PARD3: variants seen among roughly 807,000 people sequenced by gnomAD.
PARD3 encodes the protein partitioning defective 3 homolog.
PARD3 carries 75 observed loss-of-function variants against 155.4 expected under a neutral mutation model. The ratio of observed to expected loss-of-function variants is 0.48; its 90% CI spans 0.40 to 0.58. The LOEUF (loss-of-function observed/expected upper bound fraction) is 0.58. PARD3 is among the 20% of genes least tolerant of loss of function. The probability of loss-of-function intolerance (pLI) is 0.00; values close to 1 mark genes in which losing one functional copy is unlikely to be tolerated. For synonymous variants in PARD3, 576 were observed against 610.5 expected, an observed-to-expected ratio of 0.94 and a Z score of 0.83; for missense variants, 1,642 against 1,721.7, an observed-to-expected ratio of 0.95 and a Z score of 0.82.
chr10:34,143,971 A>G (rs2132888498), intron 22 of PARD3, among the ~76,000 whole-genome samples: 1 of 152,100 alleles, frequency 6.6e-6, no homozygotes, highest in East Asian at 1.9e-4. Context: ...TTTTCTATTT[A>G]CAACTTGGCC....
chr10:34,581,563 T>G (rs1283322486), intron 2 of PARD3, among the ~76,000 whole-genome samples: 1 of 152,158 alleles, frequency 6.6e-6, no homozygotes, highest in African/African-American at 2.4e-5. Flanking sequence ...AGATTTTTGT[T>G]AAAAACCATT....
rs577288598 is a variant in PARD3 at position 34,384,678 on chromosome 10, A to C, written c.891-424T>G. On this transcript the variant is annotated intron_variant, in intron 7 of 24. Coordinates refer to ENST00000374788, the MANE Select transcript of PARD3 (RefSeq NM_001184785.2). ...ACTGCAACTCCCATCTTTCTGTGAA[A>C]GTAAAGGTAATGAGGAAAAGCTAAC... Among the ~76,000 whole-genome samples, 13 of 152,338 alleles carry C rather than the reference A, an allele frequency of 8.5e-5. No individual in the cohort carries two copies. In the East Asian group the frequency reaches 2.5e-3, roughly 29 times the overall value.
rs147141902 is a variant in PARD3 at position 34,466,081 on chromosome 10, A to G, written c.582+4004T>C. ...CAAGAAACTTTCCACACAAAGTATG[A>G]GCAAAATGTTCCCTAAAACAGTTGG... is the stretch of plus-strand genomic sequence containing the variant. On this transcript the variant is annotated intron_variant, in intron 4 of 24. Coordinates refer to ENST00000374788, the MANE Select transcript of PARD3 (RefSeq NM_001184785.2). 3.5e-4 allele frequency among the ~76,000 whole-genome samples: 54 copies of G among 152,278 alleles called. No homozygotes were observed. In the East Asian group the frequency reaches 7.5e-3, roughly 21 times the overall value.
At chr10:34,295,296 A>C (rs1956856141) in intron 20 of PARD3, among the ~76,000 whole-genome samples, 2 of 152,226 alleles carry the variant, frequency 1.3e-5, no homozygotes, top group South Asian at 4.1e-4. Flanking sequence ...CTCATGTAAA[A>C]GGGACAAGAA....
chr10:34,521,221 A>G (rs2082124104), intron 2 of PARD3, among the ~76,000 whole-genome samples: 1 of 152,200 alleles, frequency 6.6e-6, no homozygotes, highest in Admixed American at 6.5e-5. Flanking sequence ...GATTTGCAAT[A>G]TGCCAATAAC....
At chr10:34,336,002 T>A (rs1337632635) in intron 18 of PARD3, among the ~76,000 whole-genome samples, 197 bp downstream of exon 18, 1 of 152,120 alleles carries the variant, frequency 6.6e-6, no homozygotes, top group East Asian at 1.9e-4. Flanking sequence ...ATATTACTAT[T>A]TAGTAAGTAC....
At chr10:34,169,933 C>G (rs1949710075) in intron 22 of PARD3, among the ~76,000 whole-genome samples, 1 of 152,158 alleles carries the variant, frequency 6.6e-6, no homozygotes, top group Non-Finnish European at 1.5e-5. Context: ...AAGAGGAGCC[C>G]AGATTGTAAC....
chr10:34,173,532 C>T (rs1016629952), intron 22 of PARD3, among the ~76,000 whole-genome samples: 10 of 152,138 alleles, frequency 6.6e-5, no homozygotes, highest in African/African-American at 1.9e-4. Context: ...TGCAACTTTA[C>T]AGGGATCTTG....
intron 1 of PARD3, among the ~76,000 whole-genome samples, chr10:34,740,522 T>C (rs1161487342): frequency 1.3e-5 from 2 of 152,268 alleles, no homozygotes; most frequent in South Asian, 2.1e-4. Flanking sequence ...CAGTGAGTGA[T>C]AGGACTGTAA....
chr10:34,285,396 C>G (rs1011662994), intron 20 of PARD3, among the ~76,000 whole-genome samples: 1 of 151,846 alleles, frequency 6.6e-6, no homozygotes, highest in Non-Finnish European at 1.5e-5. Context: ...GGCAACATAG[C>G]GAGACCTCGT....
At chr10:34,262,225 A>C (rs1955063106) in intron 22 of PARD3, among the ~76,000 whole-genome samples, 1 of 152,116 alleles carries the variant, frequency 6.6e-6, no homozygotes, top group Non-Finnish European at 1.5e-5. Flanking sequence ...AAATTAGAAA[A>C]ACCACTGTTT....
At chr10:34,180,454 G>A (rs919587203) in intron 22 of PARD3, among the ~76,000 whole-genome samples, 2 of 152,148 alleles carry the variant, frequency 1.3e-5, no homozygotes, top group African/African-American at 4.8e-5. Context: ...GAGACAGGCT[G>A]GTTCTAGGTA....
At chr10:34,511,228 G>T (rs1418902642) in intron 3 of PARD3, among the ~76,000 whole-genome samples, 1 of 152,142 alleles carries the variant, frequency 6.6e-6, no homozygotes, top group Admixed American at 6.5e-5. Context: ...GGATTTAGAA[G>T]TCTGATCAGA....
At chr10:34,529,276 C>G (rs1250107378) in intron 2 of PARD3, among the ~76,000 whole-genome samples, 1 of 152,200 alleles carries the variant, frequency 6.6e-6, no homozygotes, top group Non-Finnish European at 1.5e-5. Flanking sequence ...GCTGAGATTG[C>G]AGGTTCCTCT....
At chr10:34,338,977 T>A (rs1012787557) in intron 16 of PARD3, among the ~76,000 whole-genome samples, 3 of 152,050 alleles carry the variant, frequency 2.0e-5, no homozygotes, top group African/African-American at 7.2e-5. Context: ...ACATCTACCC[T>A]CAGATGCCCC....
chr10:34,519,657 A>G (rs2133665983), intron 2 of PARD3, among the ~76,000 whole-genome samples: 1 of 151,984 alleles, frequency 6.6e-6, no homozygotes, highest in Non-Finnish European at 1.5e-5. Context: ...TACCAAAAAC[A>G]TAAAAAATTA....
intron 22 of PARD3, among the ~76,000 whole-genome samples, chr10:34,145,221 A>ATTTTTTT (rs57442429): frequency 6.8e-4 from 23 of 33,966 alleles, no homozygotes; most frequent in Non-Finnish European, 7.0e-4. Flanking sequence ...ATATATATAT[A>ATTTTTTT]TTTTTTTTTT....
intron 1 of PARD3, among the ~76,000 whole-genome samples, chr10:34,756,898 G>A (rs987761189): frequency 3.9e-5 from 6 of 152,136 alleles, no homozygotes; most frequent in East Asian, 3.8e-4. Context: ...TTTCTTCTCC[G>A]AAAATTTTCT....
chr10:34,541,222 G>T (rs910597515), intron 2 of PARD3, among the ~76,000 whole-genome samples: 4 of 152,244 alleles, frequency 2.6e-5, no homozygotes, highest in African/African-American at 9.6e-5. Flanking sequence ...GTACATAAAT[G>T]CAGTATAACT....
Sources: allele counts gnomAD v4.1 joint callset (sites outside exome capture counted in the v4.1 genomes callset), GRCh38; gene constraint gnomAD v4.1.1; transcripts MANE v1.5; gene names NCBI Gene and HGNC (gene_info 2026-07-23, HGNC 2026-07-21).